The following CD86 variants were observed in gnomAD, a reference collection of about 807,000 sequenced individuals.
CD86 encodes the protein T-lymphocyte activation antigen CD86.
Under a neutral mutation model 32.1 loss-of-function variants are expected in CD86, and 11 were observed. That is an observed-to-expected ratio of 0.34 (90% confidence interval 0.22 to 0.57). CD86 has a LOEUF of 0.57. Among genes scored for constraint, CD86 ranks in the 20% least tolerant of loss-of-function variants. The probability of loss-of-function intolerance (pLI) is 0.86; values close to 1 mark genes in which losing one functional copy is unlikely to be tolerated. For missense variants in CD86, 359 were observed against 398.4 expected (o/e 0.90, Z 0.84); for synonymous variants, 137 against 135.3 (o/e 1.01, Z -0.09).
chr3:122,060,886 G>C (rs989436837), intron 1 of CD86, among the ~76,000 whole-genome samples: 3 of 151,900 alleles, frequency 2.0e-5, no homozygotes, highest in African/African-American at 7.3e-5. Flanking sequence ...AAGCCCAAGA[G>C]GAATTTCAGG....
At chr3:122,102,731 G>A (rs1424324334) in intron 2 of CD86, among the ~76,000 whole-genome samples, 2 of 152,010 alleles carry the variant, frequency 1.3e-5, no homozygotes, top group African/African-American at 4.8e-5. Context: ...TGCCTTAAAT[G>A]GTCATTGACC....
At chr3:122,083,662 T>C (rs1002902201) in intron 1 of CD86, among the ~76,000 whole-genome samples, 1 of 152,194 alleles carries the variant, frequency 6.6e-6, no homozygotes, top group Non-Finnish European at 1.5e-5. Context: ...TATCACCTGA[T>C]GTTATTAAGC....
At chr3:122,066,300 G>T (rs1054018072) in intron 1 of CD86, among the ~76,000 whole-genome samples, 2 of 152,190 alleles carry the variant, frequency 1.3e-5, no homozygotes, top group African/African-American at 4.8e-5. Context: ...GAATACGAGA[G>T]TGAATGAAGA....
chr3:122,117,907 C>T (rs2073278549), intron 5 of CD86, 141 bp from the exon 6 acceptor site: 1 of 676,534 alleles, frequency 1.5e-6, no homozygotes. Context: ...GAAATTGCAT[C>T]ATTTGAGTAA....
At chr3:122,109,506 C>A in intron 5 of CD86, 98 bp downstream of exon 5, 1 of 1,376,738 alleles carries the variant, frequency 7.3e-7, no homozygotes, top group Non-Finnish European at 1.0e-6. Context: ...CCTAGACTGG[C>A]AAAAAGTCAG....
At chr3:122,093,513 T>C (rs2072859669) in intron 2 of CD86, among the ~76,000 whole-genome samples, 2 of 152,244 alleles carry the variant, frequency 1.3e-5, no homozygotes, top group South Asian at 4.1e-4. Flanking sequence ...GCTCCTAGGC[T>C]ACAAGCCTGC....
Position 122,106,430 on chromosome 3 carries a change from G to A in CD86, c.633G>A (p.Thr211=), listed in dbSNP as rs201450972. The change falls in exon 4 of 7, where the codon ACG becomes ACA. Residue 211 remains threonine (T), a synonymous_variant. Transcript: ENST00000330540. ...ISLSVSFPDV[T]SNMTIFCILE... ...TGTCTGTTTCATTCCCTGATGTTAC[G>A]AGCAATATGACCATCTTCTGTATTC... 3.0e-5 allele frequency: 48 copies of A among 1,613,994 alleles called. No individual in the cohort carries two copies. Among genetic ancestry groups the A allele is most frequent in the Middle Eastern group, 1.6e-4 (1 of 6,062 alleles).
intron 1 of CD86, among the ~76,000 whole-genome samples, chr3:122,069,966 G>A (rs550730071): frequency 6.6e-6 from 1 of 152,176 alleles, no homozygotes; most frequent in African/African-American, 2.4e-5. Context: ...CTAGTACAAT[G>A]GTACTTTTTC....
intron 1 of CD86, among the ~76,000 whole-genome samples, chr3:122,065,643 CT>C (rs2072402206): frequency 6.6e-6 from 1 of 152,138 alleles, no homozygotes; most frequent in Middle Eastern, 3.2e-3. Context: ...GCTGCAGATG[CT>C]TGAATCTAAG....
chr3:122,103,499 C>T lies in CD86; in HGVS notation c.65-13C>T, dbSNP rs1341912046. ...TTGTTTCTCCCTCCCTAATCCTTAACCTTCTTTTTTAGGTGCTGCTCCTCT... is the reference window on the plus strand; with the variant it reads ...TTGTTTCTCCCTCCCTAATCCTTAATCTTCTTTTTTAGGTGCTGCTCCTCT... On this transcript the variant is annotated splice_polypyrimidine_tract_variant and intron_variant, in intron 2 of 6. Transcript: ENST00000330540. The T allele has an allele frequency of 6.3e-6, 10 of 1,585,304 alleles. No individual in the cohort carries two copies. The Admixed American group carries it at 1.0e-4, about 17-fold the overall frequency.
At position 122,058,606 on chromosome 3, in the gene CD86, G is replaced by A. The variant is rs144814222; in HGVS notation, c.14+3103G>A. Among the ~76,000 whole-genome samples, 838 of 152,248 alleles carry A rather than the reference G, an allele frequency of 5.5e-3. 7 individuals carry two copies. The highest frequency in any genetic ancestry group is 0.019 in the African/African-American group (798 of 41,542). Reference sequence around the variant, plus strand: ...GGGGGAATTTTAAGTATAGCTTTGAGAAGATGCCTAATGGGGAGTAATAAT... The same window carrying A: ...GGGGGAATTTTAAGTATAGCTTTGAAAAGATGCCTAATGGGGAGTAATAAT... On this transcript the variant is annotated intron_variant, in intron 1 of 6. Coordinates refer to ENST00000330540, the MANE Select transcript of CD86 (RefSeq NM_175862.5).
At chr3:122,106,075 G>C (rs952764596) in intron 3 of CD86, 123 bp from the exon 4 acceptor site, 1 of 671,460 alleles carries the variant, frequency 1.5e-6, no homozygotes, top group African/African-American at 1.8e-5. Context: ...TCACATTTTA[G>C]ACACCCTGAG....
At chr3:122,082,470 T>A (rs2072648088) in intron 1 of CD86, among the ~76,000 whole-genome samples, 1 of 152,222 alleles carries the variant, frequency 6.6e-6, no homozygotes, top group South Asian at 2.1e-4. Context: ...TTCCCCTTGA[T>A]AAACCGAATT....
chr3:122,108,009 TTTGA>T (rs1202213882), intron 4 of CD86, among the ~76,000 whole-genome samples: 1 of 152,208 alleles, frequency 6.6e-6, no homozygotes. Flanking sequence ...GTGTAATTAG[TTTGA>T]TTGGTGGCCA....
At chr3:122,083,859 T>C (rs2072673711) in intron 1 of CD86, among the ~76,000 whole-genome samples, 1 of 152,234 alleles carries the variant, frequency 6.6e-6, no homozygotes. Flanking sequence ...GTTGAGATTA[T>C]AATATTTCAC....
chr3:122,062,251 C>T (rs138273923), intron 1 of CD86, among the ~76,000 whole-genome samples: 30 of 152,182 alleles, frequency 2.0e-4, no homozygotes, highest in African/African-American at 6.5e-4. Flanking sequence ...AGGATACTTT[C>T]GTATACTACT....
chr3:122,117,153 C>A (rs536142708), intron 5 of CD86, among the ~76,000 whole-genome samples: 177 of 152,162 alleles, frequency 1.2e-3, no homozygotes, highest in Non-Finnish European at 2.2e-3. Flanking sequence ...TTTTGATGCA[C>A]CTGTCACCCG....
intron 2 of CD86, among the ~76,000 whole-genome samples, chr3:122,095,525 C>T (rs532219587): frequency 1.3e-5 from 2 of 152,254 alleles, no homozygotes; most frequent in East Asian, 3.9e-4. Context: ...AAGCTCATTC[C>T]TGTGGAAAGG....
At chr3:122,118,194 A>C in intron 6 of CD86, 101 bp downstream of exon 6, 1 of 929,574 alleles carries the variant, frequency 1.1e-6, no homozygotes, top group Non-Finnish European at 1.7e-6. Context: ...GACCTCAGCA[A>C]ACCTGAACTA....
Sources: allele counts gnomAD v4.1 joint callset (sites outside exome capture counted in the v4.1 genomes callset), GRCh38; gene constraint gnomAD v4.1.1; transcripts MANE v1.5; gene names NCBI Gene and HGNC (gene_info 2026-07-23, HGNC 2026-07-21).